Variants in IL1RAPL1 observed in about 807,000 individuals in gnomAD.
IL1RAPL1 encodes interleukin-1 receptor accessory protein-like 1.
IL1RAPL1 carries 3 observed loss-of-function variants against 48.4 expected under a neutral mutation model. The observed-to-expected ratio is 0.06, with a 90% CI of 0.03 to 0.16. The LOEUF is 0.16. Among genes scored for constraint, IL1RAPL1 ranks in the 10% least tolerant of loss-of-function variants. The pLI is 1.00. For synonymous variants in IL1RAPL1, 185 were observed against 187.7 expected (o/e 0.99, Z 0.12); for missense variants, 349 against 530.6 (o/e 0.66, Z 3.36).
At chrX:28,595,240 C>A (rs1320627032) in intron 1 of IL1RAPL1, among the ~76,000 whole-genome samples, 1 of 111,927 alleles carries the variant, frequency 8.9e-6, no homozygotes, top group African/African-American at 3.3e-5. Flanking sequence ...ACTAAATGAA[C>A]AAGATACAGC....
chrX:28,831,459 T>G (rs1193279004), intron 2 of IL1RAPL1, among the ~76,000 whole-genome samples: 1 of 107,933 alleles, frequency 9.3e-6, no homozygotes, highest in African/African-American at 3.4e-5. Flanking sequence ...TTGAATGGGG[T>G]TTTTCAGCCA....
intron 2 of IL1RAPL1, among the ~76,000 whole-genome samples, chrX:29,185,256 A>T: frequency 8.9e-6 from 1 of 112,463 alleles, no homozygotes; most frequent in Non-Finnish European, 1.9e-5. Context: ...AACATTCCTT[A>T]ACACTTTCTT....
intron 5 of IL1RAPL1, among the ~76,000 whole-genome samples, chrX:29,451,146 C>A (rs1934673930): frequency 9.4e-6 from 1 of 106,932 alleles, no homozygotes; most frequent in Non-Finnish European, 1.9e-5. Flanking sequence ...TGGTAATTTT[C>A]TTTTCTTCTA....
At chrX:28,763,287 C>T in intron 1 of IL1RAPL1, among the ~76,000 whole-genome samples, 1 of 111,720 alleles carries the variant, frequency 9.0e-6, no homozygotes, top group Non-Finnish European at 1.9e-5. Flanking sequence ...GAATGTCCCA[C>T]AATTTATTCA....
chrX:29,802,955 G>A (rs369470730), intron 6 of IL1RAPL1, among the ~76,000 whole-genome samples: 1,473 of 45,691 alleles, frequency 0.032, 250 homozygotes, highest in African/African-American at 0.043. Context: ...ATGCATATAT[G>A]TATACATGTG....
chrX:29,536,295 A>C (rs1472045610), intron 5 of IL1RAPL1, among the ~76,000 whole-genome samples: 1 of 112,271 alleles, frequency 8.9e-6, no homozygotes, highest in East Asian at 2.8e-4. Context: ...TTTACAAATG[A>C]GATATGTATG....
intron 6 of IL1RAPL1, among the ~76,000 whole-genome samples, chrX:29,896,671 T>G (rs1404043015): frequency 9.0e-6 from 1 of 111,323 alleles, no homozygotes; most frequent in African/African-American, 3.3e-5. Context: ...GAAACCTGTG[T>G]TTTTTGTTGT....
In IL1RAPL1 at chrX:29,629,324, A is replaced by T. The variant is rs1288384807; in HGVS notation, c.704-39106A>T. ...TACAAAGTGTACTAAATGTTTTTAA[A>T]TCAGGAAGTATGCATCTTTTTATCT... On this transcript the variant is annotated intron_variant, in intron 5 of 10. Coordinates refer to ENST00000378993, the MANE Select transcript of IL1RAPL1 (RefSeq NM_014271.4). 2.7e-5 allele frequency among the ~76,000 whole-genome samples: 3 copies of T among 111,781 alleles called. No individual in the cohort carries two copies. The East Asian group carries it at 8.3e-4, about 31-fold the overall frequency.
chrX:28,699,988 A>C (rs1935276857), intron 1 of IL1RAPL1, among the ~76,000 whole-genome samples: 1 of 111,718 alleles, frequency 9.0e-6, no homozygotes, highest in Admixed American at 9.6e-5. Flanking sequence ...TTATTGTCTT[A>C]GGTCTTACAA....
chrX:29,296,612 C>T (rs1443440510), intron 3 of IL1RAPL1, among the ~76,000 whole-genome samples: 3 of 109,719 alleles, frequency 2.7e-5, no homozygotes, highest in African/African-American at 1.0e-4. Context: ...TACCTACCCC[C>T]AGTACATACA....
intron 6 of IL1RAPL1, among the ~76,000 whole-genome samples, chrX:29,718,861 A>G (rs182057807): frequency 1.8e-5 from 2 of 111,792 alleles, no homozygotes; most frequent in African/African-American, 6.5e-5. Context: ...GGGGAGAAGT[A>G]TAGCATCTGG....
intron 3 of IL1RAPL1, among the ~76,000 whole-genome samples, chrX:29,395,683 A>G (rs67855043): frequency 0.14 from 15,766 of 111,347 alleles, 1,004 homozygotes; most frequent in African/African-American, 0.25. Flanking sequence ...CGATAAAGAT[A>G]GTAACTTTGC....
intron 3 of IL1RAPL1, among the ~76,000 whole-genome samples, chrX:29,385,495 C>T (rs1933764773): frequency 8.9e-6 from 1 of 112,346 alleles, no homozygotes; most frequent in Non-Finnish European, 1.9e-5. Context: ...CCATGAAACA[C>T]TAACTTTCCA....
chrX:28,952,062 A>G (rs1924482893), intron 2 of IL1RAPL1, among the ~76,000 whole-genome samples: 1 of 111,093 alleles, frequency 9.0e-6, no homozygotes, highest in Non-Finnish European at 1.9e-5. Flanking sequence ...CAGTTATACT[A>G]TAACTACAAT....
Position 28,778,049 on chromosome X carries a change from T to C in IL1RAPL1, c.-24-11271T>C, listed in dbSNP as rs181277909. On this transcript the variant is annotated intron_variant, in intron 1 of 10. Coordinates refer to ENST00000378993, the MANE Select transcript of IL1RAPL1 (RefSeq NM_014271.4). Reference sequence around the variant, plus strand: ...GCATCACGTGGGTCATCAGTCTCTTTGAAATCTCCCCAAGTGATCCCAAAA... The same window carrying C: ...GCATCACGTGGGTCATCAGTCTCTTCGAAATCTCCCCAAGTGATCCCAAAA... Among the ~76,000 whole-genome samples, 11 of 111,783 alleles carry C rather than the reference T, an allele frequency of 9.8e-5. No individual in the cohort carries two copies. In the East Asian group the frequency reaches 2.6e-3, roughly 26 times the overall value.
intron 2 of IL1RAPL1, among the ~76,000 whole-genome samples, chrX:29,280,149 G>C (rs908220369): frequency 9.3e-4 from 104 of 111,741 alleles, no homozygotes; most frequent in African/African-American, 3.3e-3. Context: ...TACCACCTAG[G>C]ATTCATTTTA....
At chrX:29,080,998 C>A (rs56000849) in intron 2 of IL1RAPL1, among the ~76,000 whole-genome samples, 1 of 44,748 alleles carries the variant, frequency 2.2e-5, no homozygotes, top group Non-Finnish European at 3.8e-5. Flanking sequence ...CTTTCTTTCT[C>A]TCTCTCTCTC....
intron 5 of IL1RAPL1, among the ~76,000 whole-genome samples, chrX:29,646,944 C>T (rs1925348933): frequency 8.9e-6 from 1 of 112,080 alleles, no homozygotes; most frequent in Non-Finnish European, 1.9e-5. Flanking sequence ...ACCTGTCTTA[C>T]AAGAAATGCC....
intron 2 of IL1RAPL1, among the ~76,000 whole-genome samples, chrX:29,110,018 G>A (rs959566042): frequency 3.6e-5 from 4 of 111,598 alleles, no homozygotes; most frequent in African/African-American, 9.8e-5. Context: ...AAGCCTCAAG[G>A]CACTTATCTT....
Sources: gnomAD v4.1 joint callset for allele counts (sites outside exome capture counted in the v4.1 genomes callset) on GRCh38, gnomAD v4.1.1 for gene constraint, MANE v1.5 for transcripts, NCBI Gene and HGNC (gene_info 2026-07-23, HGNC 2026-07-21) for gene names.